WDR27: variants seen among roughly 807,000 people sequenced by gnomAD.
WDR27 encodes WD repeat domain 27.
WDR27 carries 100 observed loss-of-function variants against 114.4 expected under a neutral mutation model. That is an observed-to-expected ratio of 0.87 (90% CI 0.74 to 1.03). WDR27 has a LOEUF of 1.03. WDR27 is among the 50% of genes least tolerant of loss of function. The pLI, the probability that WDR27 is intolerant of heterozygous loss-of-function variation, is 0.00. For synonymous variants in WDR27, 449 were observed against 423.1 expected (o/e 1.06, Z -0.75); for missense variants, 1,129 against 1,092.9 (o/e 1.03, Z -0.47).
At chr6:169,432,473 A>T in the WDR27 span, among the ~76,000 whole-genome samples, 98 of 152,246 alleles carry the variant, frequency 6.4e-4, no homozygotes, top group African/African-American at 2.3e-3. Context: ...AGTGGGAGGT[A>T]ATTAAATCAT....
At chr6:169,645,024 A>AAAATAAAAAAT (rs1820221988) in intron 16 of WDR27, among the ~76,000 whole-genome samples, 4 of 39,634 alleles carry the variant, frequency 1.0e-4, no homozygotes, top group African/African-American at 3.9e-4. Context: ...AAAAAAAAAT[A>AAAATAAAAAAT]AAAAAAAAAA....
intron 25 of WDR27, among the ~76,000 whole-genome samples, chr6:169,531,280 AT>A (rs1023880675): frequency 3.7e-4 from 56 of 152,148 alleles, no homozygotes; most frequent in African/African-American, 1.3e-3. Flanking sequence ...TTGAATCTTC[AT>A]TTTTTTTCTA....
chr6:169,601,284 G>A (rs1047629691), intron 23 of WDR27, among the ~76,000 whole-genome samples: 3 of 152,164 alleles, frequency 2.0e-5, no homozygotes, highest in Non-Finnish European at 4.4e-5. Context: ...TCACCACCAG[G>A]TCTTGAAGTT....
the WDR27 span, among the ~76,000 whole-genome samples, chr6:169,443,946 A>G: frequency 1.3e-5 from 2 of 152,168 alleles, no homozygotes; most frequent in Non-Finnish European, 2.9e-5. Flanking sequence ...TTCATTATTT[A>G]TAAAAGGAAG....
intron 24 of WDR27, among the ~76,000 whole-genome samples, chr6:169,573,417 G>C (rs1801763801): frequency 6.6e-6 from 1 of 152,148 alleles, no homozygotes; most frequent in Non-Finnish European, 1.5e-5. Context: ...AACTGTGCAA[G>C]TCCACTTATA....
intron 2 of WDR27, among the ~76,000 whole-genome samples, chr6:169,682,674 T>C (rs557732640): frequency 9.9e-5 from 15 of 152,284 alleles, no homozygotes; most frequent in Non-Finnish European, 2.9e-5. Context: ...CGTAACCACA[T>C]GTCCACAAGC....
chr6:169,446,199 C>T, the WDR27 span, among the ~76,000 whole-genome samples: 5 of 152,164 alleles, frequency 3.3e-5, no homozygotes, highest in African/African-American at 9.7e-5. Flanking sequence ...GCTGGGGGAG[C>T]GGGAAATCAT....
intron 22 of WDR27, among the ~76,000 whole-genome samples, chr6:169,611,551 C>T (rs1331858844): frequency 6.6e-6 from 1 of 151,924 alleles, no homozygotes; most frequent in African/African-American, 2.4e-5. Flanking sequence ...GGTGATCCGC[C>T]CACCTCGGCC....
chr6:169,526,810 T>C lies in WDR27; in HGVS notation c.2645+45609A>G, dbSNP rs139375342. 7.9e-5 allele frequency among the ~76,000 whole-genome samples: 12 copies of C among 152,264 alleles called. No individual in the cohort carries two copies. In the East Asian group the frequency reaches 1.7e-3, roughly 22 times the overall value. ...ATAAAGAATGATTAAAGCTCAAAAATAAATGTCAAATAACCCAATTTTAAA... is the reference window on the plus strand; with the variant it reads ...ATAAAGAATGATTAAAGCTCAAAAACAAATGTCAAATAACCCAATTTTAAA... On this transcript the variant is annotated intron_variant, in intron 25 of 25. Transcript: ENST00000448612.
At chr6:169,635,030 G>A (rs1052293352) in intron 19 of WDR27, among the ~76,000 whole-genome samples, 1 of 152,194 alleles carries the variant, frequency 6.6e-6, no homozygotes, top group Non-Finnish European at 1.5e-5. Context: ...AGATGGGAAC[G>A]CTGTGACATG....
At chr6:169,647,958 C>CT in intron 15 of WDR27, 88 bp from the exon 16 acceptor site, 1 of 859,884 alleles carries the variant, frequency 1.2e-6, no homozygotes, top group South Asian at 1.6e-5. Context: ...AGTGGGCTTC[C>CT]CCCCATCTAC....
intron 2 of WDR27, among the ~76,000 whole-genome samples, chr6:169,677,270 T>A (rs181443178): frequency 1.3e-5 from 2 of 152,346 alleles, no homozygotes; most frequent in Non-Finnish European, 2.9e-5. Context: ...ATGAACTTGC[T>A]GGGAACTGGA....
intron 22 of WDR27, among the ~76,000 whole-genome samples, chr6:169,608,695 CA>C (rs1809809280): frequency 6.6e-6 from 1 of 152,130 alleles, no homozygotes; most frequent in South Asian, 2.1e-4. Context: ...GACACAGAGC[CA>C]AACCATATCA....
intron 25 of WDR27, among the ~76,000 whole-genome samples, chr6:169,477,791 A>G (rs1787390073): frequency 1.3e-5 from 2 of 152,202 alleles, no homozygotes. Flanking sequence ...TAGAAATCCC[A>G]TATGTATTTA....
At chr6:169,627,342 G>C (rs552208993) in intron 21 of WDR27, among the ~76,000 whole-genome samples, 1 of 152,070 alleles carries the variant, frequency 6.6e-6, no homozygotes, top group Non-Finnish European at 1.5e-5. Context: ...GCCTTTTTAC[G>C]GCTTGAAGTG....
chr6:169,679,500 G>T (rs1780934541), intron 2 of WDR27, among the ~76,000 whole-genome samples: 1 of 152,174 alleles, frequency 6.6e-6, no homozygotes, highest in African/African-American at 2.4e-5. Context: ...GGTGGGGTCT[G>T]GTGGGAGGTG....
At chr6:169,429,608 C>T in the WDR27 span, among the ~76,000 whole-genome samples, 1 of 152,162 alleles carries the variant, frequency 6.6e-6, no homozygotes, top group Non-Finnish European at 1.5e-5. Flanking sequence ...CAGCGAATTC[C>T]ATCCTGGCCT....
At position 169,667,139 on chromosome 6, in the gene WDR27, A is replaced by G; in HGVS notation, c.709T>C (p.Ser237Pro). 2 of 1,522,090 alleles carry G rather than the reference A, an allele frequency of 1.3e-6. No homozygotes were observed. Among genetic ancestry groups the G allele is most frequent in the South Asian group, 1.3e-5 (1 of 75,036 alleles). The allele number at this position is 1,522,090 out of a possible 1,614,324, so 94.3% of individuals were successfully genotyped here. ...AACATGAAAGTTTTAAATTTACCTG[A>G]TAACACAGATGAACTGTATATTAAT... is the stretch of plus-strand genomic sequence containing the variant. ...GSLIYSSSVL[S>P]AYPLLSLFID... The change falls in exon 6 of 26, where the codon TCA becomes CCA. Residue 237 changes from serine to proline, a missense_variant. Physicochemically the swap from Ser to Pro is moderately conservative, Grantham distance 74. Coordinates refer to ENST00000448612, the MANE Select transcript of WDR27 (RefSeq NM_182552.5).
At chr6:169,574,130 G>A (rs1801880019) in intron 24 of WDR27, among the ~76,000 whole-genome samples, 1 of 152,282 alleles carries the variant, frequency 6.6e-6, no homozygotes, top group African/African-American at 2.4e-5. Flanking sequence ...GTTCCTGGCA[G>A]GACACCCAGG....
Sources: allele counts gnomAD v4.1 joint callset (sites outside exome capture counted in the v4.1 genomes callset), GRCh38; gene constraint gnomAD v4.1.1; transcripts MANE v1.5; gene names NCBI Gene and HGNC (gene_info 2026-07-23, HGNC 2026-07-21).